The following TCERG1L variants were observed in gnomAD, a reference collection of about 807,000 sequenced individuals.
The protein encoded by TCERG1L is transcription elongation regulator 1-like protein.
TCERG1L carries 37 observed loss-of-function variants against 56.3 expected under a neutral mutation model. The observed-to-expected ratio is 0.66, with a 90% CI of 0.51 to 0.87. The LOEUF (loss-of-function observed/expected upper bound fraction) is 0.87, where lower values mean the gene tolerates loss of function less well. Ranked by LOEUF, TCERG1L falls within the 40% of genes least tolerant of loss-of-function variation. TCERG1L has a pLI of 0.00. For synonymous variants in TCERG1L, 324 were observed against 326.3 expected (o/e 0.99, Z 0.08); for missense variants, 799 against 774.2 (o/e 1.03, Z -0.38).
intron 4 of TCERG1L, among the ~76,000 whole-genome samples, chr10:131,193,165 A>C (rs1845321550): frequency 1.3e-5 from 2 of 152,294 alleles, no homozygotes; most frequent in Admixed American, 1.3e-4. Flanking sequence ...CTTTTGAAAA[A>C]TATCTACGCA....
intron 4 of TCERG1L, among the ~76,000 whole-genome samples, chr10:131,197,060 T>C (rs998112263): frequency 2.0e-5 from 3 of 152,114 alleles, no homozygotes; most frequent in African/African-American, 7.2e-5. Context: ...CTGCCCTTCC[T>C]CTACAAGACA....
intron 9 of TCERG1L, among the ~76,000 whole-genome samples, chr10:131,108,393 A>C (rs1222700296): frequency 1.3e-5 from 2 of 152,012 alleles, no homozygotes; most frequent in African/African-American, 4.8e-5. Flanking sequence ...GGACTGGTTC[A>C]CAAGGCACCC....
chr10:131,135,208 C>A (rs1291649945), intron 7 of TCERG1L, among the ~76,000 whole-genome samples: 1 of 152,146 alleles, frequency 6.6e-6, no homozygotes, highest in Admixed American at 6.5e-5. Context: ...GTGTCTACCT[C>A]TGGCTTATTC....
intron 4 of TCERG1L, among the ~76,000 whole-genome samples, chr10:131,229,634 C>T (rs1845828248): frequency 6.6e-6 from 1 of 151,882 alleles, no homozygotes; most frequent in African/African-American, 2.4e-5. Flanking sequence ...CCAAAATAGC[C>T]CAAGACACAT....
chr10:131,186,683 C>T (rs1197017356), intron 4 of TCERG1L, among the ~76,000 whole-genome samples: 1 of 152,192 alleles, frequency 6.6e-6, no homozygotes, highest in Non-Finnish European at 1.5e-5. Context: ...GAGGAGCCCC[C>T]TTTCCTCGTG....
In TCERG1L at chr10:131,308,077, G is replaced by A; in HGVS notation, c.670+134C>T. The A allele has an allele frequency of 3.8e-6, 4 of 1,039,024 alleles. No homozygotes were observed. The South Asian group carries it at 7.5e-5, about 20-fold the overall frequency. 64.4% of individuals were successfully genotyped at this position (1,039,024 alleles called of 1,614,324 possible). A position where few individuals can be genotyped will look rare whatever the true frequency, so the allele number is the denominator to read the frequency against. ...CTAGTTTTTTTTAAAAAAGCTTCAT[G>A]CTTGTGAAAAGGAATTATATTTTAC... On this transcript the variant is annotated intron_variant, in intron 3 of 11. Coordinates refer to ENST00000368642, the MANE Select transcript of TCERG1L (RefSeq NM_174937.4).
chr10:131,226,019 C>A (rs1157065140), intron 4 of TCERG1L, among the ~76,000 whole-genome samples: 2 of 152,204 alleles, frequency 1.3e-5, no homozygotes, highest in Non-Finnish European at 2.9e-5. Context: ...CTCACTGTAA[C>A]CTTGAATGCC....
In TCERG1L at chr10:131,237,803, G is replaced by A. The variant is rs117416361; in HGVS notation, c.856+22456C>T. On this transcript the variant is annotated intron_variant, in intron 4 of 11. Transcript: ENST00000368642. Reference sequence around the variant, plus strand: ...TCCTAAATATTTCCCTGTAGGCAGCGAGGGCCTTGAACCCGGTAACACCTA... The same window carrying A: ...TCCTAAATATTTCCCTGTAGGCAGCAAGGGCCTTGAACCCGGTAACACCTA... 2.3e-3 allele frequency among the ~76,000 whole-genome samples: 349 copies of A among 152,242 alleles called. 8 individuals are homozygous for A. In the East Asian group the frequency reaches 0.038, roughly 16 times the overall value.
chr10:131,108,619 T>C (rs1845378054), intron 9 of TCERG1L, among the ~76,000 whole-genome samples: 1 of 152,182 alleles, frequency 6.6e-6, no homozygotes, highest in South Asian at 2.1e-4. Context: ...TATCGCTGCA[T>C]AAGCAACGAC....
chr10:131,240,666 A>G (rs1845962362), intron 4 of TCERG1L, among the ~76,000 whole-genome samples: 1 of 152,198 alleles, frequency 6.6e-6, no homozygotes, highest in Non-Finnish European at 1.5e-5. Context: ...TTCTAAAAAT[A>G]CGCCACAGCC....
intron 8 of TCERG1L, among the ~76,000 whole-genome samples, chr10:131,129,315 A>G (rs886251410): frequency 1.3e-5 from 2 of 152,248 alleles, no homozygotes; most frequent in African/African-American, 4.8e-5. Context: ...TACCATGCTT[A>G]TATTTTAAAA....
chr10:131,157,937 C>A (rs1391839650), intron 6 of TCERG1L, among the ~76,000 whole-genome samples: 1 of 152,266 alleles, frequency 6.6e-6, no homozygotes, highest in Non-Finnish European at 1.5e-5. Context: ...AATGGTTACA[C>A]TGGCCCAGGC....
Position 131,113,870 on chromosome 10 carries a change from T to C in TCERG1L, c.1395+2929A>G, listed in dbSNP as rs892318977. Among the ~76,000 whole-genome samples the C allele has an allele frequency of 1.5e-4, 21 of 142,464 alleles. 3 individuals carry two copies. The highest frequency in any genetic ancestry group is 1.5e-3 in the Admixed American group (21 of 14,430). 93.5% of individuals were successfully genotyped at this position (142,464 alleles called of 152,430 possible). ...GAAGGAAAATGTTCTCAATAAAATG[T>C]CTCTAATGTGTTTACCTAAGCAGCA... On this transcript the variant is annotated intron_variant, in intron 9 of 11. Transcript: ENST00000368642.
Position 131,103,240 on chromosome 10 carries a change from G to C in TCERG1L, c.1485+1025C>G, listed in dbSNP as rs2133381427. On this transcript the variant is annotated intron_variant, in intron 10 of 11. Transcript: ENST00000368642. This position sits in a 1 kb window ranked among gnomAD's most constrained non-coding sequence, Gnocchi z 4.3. ...AGAATATTCAGGGAGGTAAAAAAAA[G>C]GCAATAATTTTTAAGGAAAAATAAA... Among the ~76,000 whole-genome samples the C allele has an allele frequency of 6.6e-6, 1 of 152,200 alleles. No individual in the cohort carries two copies. The highest frequency in any genetic ancestry group is 1.5e-5 in the Non-Finnish European group (1 of 68,020).
chr10:131,273,478 G>A (rs1035333437), intron 3 of TCERG1L, among the ~76,000 whole-genome samples: 5 of 152,206 alleles, frequency 3.3e-5, no homozygotes, highest in Admixed American at 6.5e-5. Flanking sequence ...AAAACGCCAA[G>A]GAAAAGTTTC....
At chr10:131,218,581 C>T (rs1845698781) in intron 4 of TCERG1L, among the ~76,000 whole-genome samples, 1 of 152,214 alleles carries the variant, frequency 6.6e-6, no homozygotes, top group African/African-American at 2.4e-5. Context: ...GCAACCTCCG[C>T]TTCCCAAGTT....
intron 4 of TCERG1L, among the ~76,000 whole-genome samples, chr10:131,177,580 G>A (rs1390830938): frequency 6.6e-6 from 1 of 152,226 alleles, no homozygotes; most frequent in East Asian, 1.9e-4. Context: ...CATCTGCAGT[G>A]GTAAGTCCCC....
At chr10:131,217,272 T>C (rs530008679) in intron 4 of TCERG1L, among the ~76,000 whole-genome samples, 3 of 152,080 alleles carry the variant, frequency 2.0e-5, no homozygotes, top group South Asian at 2.1e-4. Context: ...TGCTTCTCTC[T>C]TTCCTGCTCC....
In TCERG1L at chr10:131,134,465, T is replaced by A. The variant is rs770314063; in HGVS notation, c.1190-17A>T. The A allele has an allele frequency of 7.0e-6, 11 of 1,576,578 alleles. No homozygotes were observed. The Admixed American group carries it at 1.7e-4, about 24-fold the overall frequency. On this transcript the variant is annotated splice_polypyrimidine_tract_variant and intron_variant, in intron 7 of 11. Coordinates refer to ENST00000368642, the MANE Select transcript of TCERG1L (RefSeq NM_174937.4). The stretch of plus-strand genomic sequence containing the variant: ...TGTTGTCAGCTGAAAGAAAATCAGA[T>A]GAACAGGGTTAGAGTTGTCAGAGCT...
Sources: allele counts gnomAD v4.1 joint callset (sites outside exome capture counted in the v4.1 genomes callset), GRCh38; gene constraint gnomAD v4.1.1; non-coding constraint Gnocchi (gnomAD v3.1); transcripts MANE v1.5; gene names NCBI Gene and HGNC (gene_info 2026-07-23, HGNC 2026-07-21).